Variants in AAK1 observed in about 807,000 individuals in gnomAD.
AAK1 encodes the protein AP2 associated kinase 1.
AAK1 carries 37 observed loss-of-function variants against 116.0 expected under a neutral mutation model. The ratio of observed to expected loss-of-function variants is 0.32; its 90% CI spans 0.25 to 0.42. AAK1 has a LOEUF of 0.42. Among genes scored for constraint, AAK1 ranks in the 10% least tolerant of loss-of-function variants. The probability of loss-of-function intolerance (pLI) is 1.00; values close to 1 mark genes in which losing one functional copy is unlikely to be tolerated. For synonymous variants in AAK1, 458 were observed against 439.9 expected (o/e 1.04, Z -0.51); for missense variants, 919 against 1,170.6 (o/e 0.79, Z 3.14).
At position 69,470,694 on chromosome 2, in the gene AAK1, T is replaced by C; in HGVS notation, c.*5175A>G. The C allele has an allele frequency of 1.0e-6, 1 of 985,484 alleles. No individual in the cohort carries two copies. The highest frequency in any genetic ancestry group is 1.2e-6 in the Non-Finnish European group (1 of 829,938). 61.0% of individuals were successfully genotyped at this position (985,484 alleles called of 1,614,324 possible). A position where few individuals can be genotyped will look rare whatever the true frequency, so the allele number is the denominator to read the frequency against. On this transcript the variant is annotated 3_prime_UTR_variant, in exon 22 of 22. Coordinates refer to ENST00000409085, the MANE Select transcript of AAK1 (RefSeq NM_014911.5). Reference sequence around the variant, plus strand: ...ACCCTGAGTCTGGTCATATCCAGTGTAGGCTGGCAGGCGTCTTATTCTCCT... The same window carrying C: ...ACCCTGAGTCTGGTCATATCCAGTGCAGGCTGGCAGGCGTCTTATTCTCCT...
At chr2:69,582,058 G>A (rs762190232) in intron 2 of AAK1, among the ~76,000 whole-genome samples, 4 of 151,902 alleles carry the variant, frequency 2.6e-5, no homozygotes, top group Non-Finnish European at 5.9e-5. Context: ...TTTGGCTTTT[G>A]CATTTTGTAA....
intron 13 of AAK1, among the ~76,000 whole-genome samples, chr2:69,513,516 G>A (rs111257147): frequency 0.036 from 5,437 of 152,078 alleles, 317 homozygotes; most frequent in African/African-American, 0.12. Context: ...GTAGAGACGT[G>A]GTTTCACCAC....
chr2:69,605,816 C>T (rs1032609492), intron 2 of AAK1, among the ~76,000 whole-genome samples: 1 of 152,198 alleles, frequency 6.6e-6, no homozygotes, highest in African/African-American at 2.4e-5. Context: ...CCCCTGCCCC[C>T]ACACTGCCCC....
At chr2:69,500,690 T>TACACAC (rs1223699900) in intron 16 of AAK1, among the ~76,000 whole-genome samples, 11 of 114,074 alleles carry the variant, frequency 9.6e-5, no homozygotes, top group African/African-American at 4.2e-4. Flanking sequence ...TATATATATA[T>TACACAC]ATATATATAC....
chr2:69,516,127 C>T (rs1676568903), intron 12 of AAK1, among the ~76,000 whole-genome samples: 1 of 151,944 alleles, frequency 6.6e-6, no homozygotes, highest in African/African-American at 2.4e-5. Context: ...AAAAGCAAAA[C>T]AATGCATATA....
At chr2:69,529,035 G>A (rs1670135935) in intron 8 of AAK1, among the ~76,000 whole-genome samples, 1 of 152,046 alleles carries the variant, frequency 6.6e-6, no homozygotes, top group Non-Finnish European at 1.5e-5. Context: ...TGACAAAACT[G>A]GCACAATGGA....
chr2:69,554,472 A>T (rs1671310254), intron 3 of AAK1, among the ~76,000 whole-genome samples: 1 of 152,216 alleles, frequency 6.6e-6, no homozygotes, highest in Non-Finnish European at 1.5e-5. Context: ...ATTCAGTTGA[A>T]ATAGTTTTCT....
chr2:69,631,250 T>A (rs1005577532), intron 2 of AAK1, among the ~76,000 whole-genome samples: 7 of 152,214 alleles, frequency 4.6e-5, no homozygotes, highest in African/African-American at 1.7e-4. Context: ...ATCTTTCTCT[T>A]ACCCTAAAGG....
intron 12 of AAK1, 21 bp downstream of exon 12, chr2:69,518,933 G>A (rs1676705149): frequency 2.0e-6 from 3 of 1,523,526 alleles, no homozygotes; most frequent in East Asian, 2.5e-5. Context: ...GCAAGCAAGG[G>A]CCACACTCTG....
rs1233347499 is a variant in AAK1, at chr2:69,471,152, T to A, written c.*4717A>T. The A allele has an allele frequency of 1.0e-6, 1 of 985,628 alleles. No homozygotes were observed. 61.1% of individuals were successfully genotyped at this position (985,628 alleles called of 1,614,324 possible). ...GAGAGTGCAATAGGGCAGAGTAGAA[T>A]ACTCACAGGAAAAGAGTAAATTCAG... On this transcript the variant is annotated 3_prime_UTR_variant, in exon 22 of 22. Transcript: ENST00000409085.
intron 15 of AAK1, 61 bp from the exon 16 acceptor site, chr2:69,505,734 G>T: frequency 1.5e-6 from 2 of 1,340,434 alleles, no homozygotes; most frequent in African/African-American, 2.9e-5. Flanking sequence ...ACACACACAT[G>T]GCAGAGGTAA....
chr2:69,520,753 C>T (rs1375460764), intron 11 of AAK1, 81 bp downstream of exon 11: 2 of 1,466,596 alleles, frequency 1.4e-6, no homozygotes, highest in East Asian at 2.4e-5. Flanking sequence ...AATCCTAAAG[C>T]AAACCAGGCT....
intron 2 of AAK1, among the ~76,000 whole-genome samples, chr2:69,632,617 C>T (rs1559019174): frequency 1.3e-5 from 2 of 152,204 alleles, no homozygotes; most frequent in Non-Finnish European, 2.9e-5. Flanking sequence ...AATGAACTAG[C>T]GCCAGGCGCG....
In AAK1 at chr2:69,461,506, A is replaced by G; in HGVS notation, c.*14363T>C. ...AGTTTTTTCATGCATCACCAAAAAA[A>G]AAAAAAAAAGTAATTTGCATGTGTT... On this transcript the variant is annotated 3_prime_UTR_variant, in exon 22 of 22. Coordinates refer to ENST00000409085, the MANE Select transcript of AAK1 (RefSeq NM_014911.5). 8.4e-6 allele frequency: 2 copies of G among 239,374 alleles called. No homozygotes were observed. Among genetic ancestry groups the G allele is most frequent in the South Asian group, 3.6e-5 (1 of 27,926 alleles). 14.8% of individuals were successfully genotyped at this position (239,374 alleles called of 1,614,324 possible).
chr2:69,601,882 C>A (rs1558994338), intron 2 of AAK1, among the ~76,000 whole-genome samples: 1 of 152,082 alleles, frequency 6.6e-6, no homozygotes. Flanking sequence ...TTACTAATTA[C>A]AAAGTGAAAA....
At chr2:69,638,777 A>G (rs1365973635) in intron 2 of AAK1, among the ~76,000 whole-genome samples, 2 of 152,132 alleles carry the variant, frequency 1.3e-5, no homozygotes, top group Non-Finnish European at 2.9e-5. Flanking sequence ...CATGTCACCT[A>G]TGAACTCTCA....
rs1674278815 is a variant in AAK1 at position 69,459,050 on chromosome 2, T to C, written c.*16819A>G. ...GAGAATAAATTTATGGAATTACAAA[T>C]TATGGGAATACTGGACTAAGTCAAG... is the stretch of plus-strand genomic sequence containing the variant. On this transcript the variant is annotated 3_prime_UTR_variant, in exon 22 of 22. Coordinates refer to ENST00000409085, the MANE Select transcript of AAK1 (RefSeq NM_014911.5). The C allele has an allele frequency of 6.6e-6, 1 of 152,100 alleles. No homozygotes were observed. Among genetic ancestry groups the C allele is most frequent in the African/African-American group, 2.4e-5 (1 of 41,400 alleles). 9.4% of individuals were successfully genotyped at this position (152,100 alleles called of 1,614,324 possible).
intron 2 of AAK1, among the ~76,000 whole-genome samples, chr2:69,581,759 T>C (rs558576619): frequency 6.6e-6 from 1 of 152,254 alleles, no homozygotes; most frequent in East Asian, 1.9e-4. Flanking sequence ...GGAAGATCAC[T>C]TGAGCCCAGG....
chr2:69,530,766 G>T, intron 6 of AAK1, 60 bp from the exon 7 acceptor site: 2 of 1,330,032 alleles, frequency 1.5e-6, no homozygotes, highest in Non-Finnish European at 2.1e-6. Flanking sequence ...AAAACCAGGA[G>T]CAGCAGAAAT....
Sources: allele counts gnomAD v4.1 joint callset (sites outside exome capture counted in the v4.1 genomes callset), GRCh38; gene constraint gnomAD v4.1.1; transcripts MANE v1.5; gene names NCBI Gene and HGNC (gene_info 2026-07-23, HGNC 2026-07-21).